EFCC1: variants seen among roughly 807,000 people sequenced by gnomAD.
EFCC1 encodes the protein EF-hand and coiled-coil domain-containing protein 1.
EFCC1 carries 50 observed loss-of-function variants against 52.1 expected under a neutral mutation model. The ratio of observed to expected loss-of-function variants is 0.96; its 90% CI spans 0.76 to 1.21. The LOEUF (loss-of-function observed/expected upper bound fraction) is 1.21, where lower values mean the gene tolerates loss of function less well. Among genes scored for constraint, EFCC1 ranks in the 50% most tolerant of loss-of-function variants. EFCC1 has a pLI of 0.00. For missense variants in EFCC1, 837 were observed against 867.3 expected (o/e 0.97, Z 0.44); for synonymous variants, 399 against 396.5 (o/e 1.01, Z -0.08).
chr3:129,034,129 G>GC, intron 4 of EFCC1, 35 bp from the exon 5 acceptor site: 1 of 1,612,870 alleles, frequency 6.2e-7, no homozygotes, highest in Non-Finnish European at 8.5e-7. Flanking sequence ...CTGGGAAGCA[G>GC]CCCCCTGCAA....
chr3:129,013,939 G>A (rs1414167023), intron 2 of EFCC1, among the ~76,000 whole-genome samples: 2 of 152,230 alleles, frequency 1.3e-5, no homozygotes, highest in African/African-American at 4.8e-5. Flanking sequence ...GCAGGGGCAG[G>A]AGCGACTGTC....
At chr3:129,017,753 G>C (rs1370712602) in intron 2 of EFCC1, among the ~76,000 whole-genome samples, 1 of 152,108 alleles carries the variant, frequency 6.6e-6, no homozygotes, top group Admixed American at 6.6e-5. Flanking sequence ...CCCGTCTTCT[G>C]GTCAGCTGTG....
At chr3:129,032,533 AAAG>A (rs1946292550) in intron 3 of EFCC1, among the ~76,000 whole-genome samples, 1 of 152,060 alleles carries the variant, frequency 6.6e-6, no homozygotes, top group African/African-American at 2.4e-5. Context: ...AAGAAAAAGA[AAAG>A]AAAGAGAAGA....
chr3:129,039,092 G>T (rs942086208), intron 7 of EFCC1, among the ~76,000 whole-genome samples, 192 bp downstream of exon 7: 1 of 152,250 alleles, frequency 6.6e-6, no homozygotes, highest in Admixed American at 6.5e-5. Flanking sequence ...AGAAGTGCCA[G>T]ACAGAAGCCC....
intron 4 of EFCC1, among the ~76,000 whole-genome samples, chr3:129,033,476 A>G (rs1211706117): frequency 6.6e-6 from 1 of 152,206 alleles, no homozygotes; most frequent in Non-Finnish European, 1.5e-5. Flanking sequence ...CTTGTGTGGC[A>G]GAGGCTGTGT....
intron 2 of EFCC1, among the ~76,000 whole-genome samples, chr3:129,028,089 T>C (rs1946178259): frequency 6.6e-6 from 1 of 151,934 alleles, no homozygotes; most frequent in South Asian, 2.1e-4. Context: ...TTCTTTTTTT[T>C]TTTTTTCTTT....
chr3:129,038,602 C>T (rs1487482773), intron 6 of EFCC1, among the ~76,000 whole-genome samples: 1 of 152,212 alleles, frequency 6.6e-6, no homozygotes, highest in Non-Finnish European at 1.5e-5. Flanking sequence ...GGTACGTGAT[C>T]TTTGATGGCA....
At chr3:129,012,710 A>G (rs2107884835) in intron 2 of EFCC1, among the ~76,000 whole-genome samples, 1 of 152,280 alleles carries the variant, frequency 6.6e-6, no homozygotes, top group African/African-American at 2.4e-5. Context: ...AAGTGGGACA[A>G]CTCCCAAAAC....
chr3:129,034,094 T>A, intron 4 of EFCC1, 70 bp from the exon 5 acceptor site: 1 of 1,589,958 alleles, frequency 6.3e-7, no homozygotes, highest in Non-Finnish European at 8.6e-7. Flanking sequence ...CACCACCACC[T>A]CTCCAAGGCT....
chr3:129,028,641 CTT>C (rs370016067), intron 2 of EFCC1, among the ~76,000 whole-genome samples: 3 of 150,208 alleles, frequency 2.0e-5, no homozygotes, highest in Admixed American at 2.0e-4. Flanking sequence ...TTTCTTTTTT[CTT>C]TTTTTTTTCT....
intron 2 of EFCC1, among the ~76,000 whole-genome samples, chr3:129,012,224 T>C (rs899592161): frequency 5.3e-5 from 8 of 152,348 alleles, no homozygotes; most frequent in South Asian, 2.1e-4. Flanking sequence ...ATCTGGAGAA[T>C]AGGTTAGTTT....
Position 129,030,827 on chromosome 3 carries a change from G to A in EFCC1, c.1105G>A (p.Asp369Asn), listed in dbSNP as rs547264149. 6.4e-6 allele frequency: 10 copies of A among 1,551,532 alleles called. No homozygotes were observed. The South Asian group carries it at 7.1e-5, about 11-fold the overall frequency. Residue 369 changes from aspartate to asparagine, a missense_variant, in exon 3 of 8, where the codon GAC (aspartate) becomes AAC (asparagine). Physicochemically the swap from Asp to Asn is conservative, Grantham distance 23. Transcript: ENST00000683648. ...CACTCCAGAGGGAGCCTGGCAGTCA[G>A]ACAGCAGCTCTGGAAGCAGAGCCCT... ...DPTPEGAWQS[D>N]SSSGSRALDE...
chr3:129,029,832 G>A (rs1444828059), intron 2 of EFCC1, among the ~76,000 whole-genome samples: 7 of 148,058 alleles, frequency 4.7e-5, no homozygotes, highest in East Asian at 2.2e-4. Context: ...TCATCCACCC[G>A]CCTCTGCCTC....
chr3:129,026,003 C>G (rs1031162493), intron 2 of EFCC1, among the ~76,000 whole-genome samples: 2 of 152,262 alleles, frequency 1.3e-5, no homozygotes, highest in Non-Finnish European at 2.9e-5. Flanking sequence ...GACCCCACCT[C>G]TCCCGCGGTG....
chr3:129,031,518 G>C (rs1355418252), intron 3 of EFCC1, among the ~76,000 whole-genome samples: 1 of 152,146 alleles, frequency 6.6e-6, no homozygotes, highest in Non-Finnish European at 1.5e-5. Flanking sequence ...TGGTGGGGGT[G>C]GGGTCATAAG....
Position 129,014,905 on chromosome 3 carries a change from C to T in EFCC1, c.980+10828C>T, listed in dbSNP as rs1050691641. Among the ~76,000 whole-genome samples the T allele has an allele frequency of 2.0e-5, 3 of 152,110 alleles. No individual in the cohort carries two copies. Among genetic ancestry groups the T allele is most frequent in the Non-Finnish European group, 2.9e-5 (2 of 68,008 alleles). ...GAAGAGCCCTCCTCACCTGTACACA[C>T]GGAGTCCTGCTAAGTCTCAGCTCCA... On this transcript the variant is annotated intron_variant, in intron 2 of 7. Transcript: ENST00000683648. This position sits in a 1 kb window ranked among gnomAD's most constrained non-coding sequence, Gnocchi z 4.3.
chr3:129,016,512 C>A (rs1945589931), intron 2 of EFCC1, among the ~76,000 whole-genome samples: 1 of 150,952 alleles, frequency 6.6e-6, no homozygotes, highest in African/African-American at 2.4e-5. Context: ...GTGTCTAGAG[C>A]CTCTGGGGAA....
At chr3:129,016,552 TGCCTGCCA>T (rs1474414613) in intron 2 of EFCC1, among the ~76,000 whole-genome samples, 11 of 146,916 alleles carry the variant, frequency 7.5e-5, no homozygotes, top group African/African-American at 2.7e-4. Context: ...GAGCTCCACC[TGCCTGCCA>T]GCTTCCCTTC....
At chr3:129,037,796 C>T (rs967475031) in intron 6 of EFCC1, among the ~76,000 whole-genome samples, 1 of 151,572 alleles carries the variant, frequency 6.6e-6, no homozygotes, top group African/African-American at 2.4e-5. Flanking sequence ...CCTGGTGGTG[C>T]ATGCCTGTAA....
Sources: allele counts gnomAD v4.1 joint callset (sites outside exome capture counted in the v4.1 genomes callset), GRCh38; gene constraint gnomAD v4.1.1; non-coding constraint Gnocchi (gnomAD v3.1); transcripts MANE v1.5; gene names NCBI Gene and HGNC (gene_info 2026-07-23, HGNC 2026-07-21).